Variants in URB1 observed in about 807,000 individuals in gnomAD.
The protein encoded by URB1 is nucleolar pre-ribosomal-associated protein 1.
In URB1, 197 loss-of-function variants were observed where a neutral mutation model predicts 242.3. The ratio of observed to expected loss-of-function variants is 0.81; its 90% confidence interval spans 0.72 to 0.91. The LOEUF is 0.91. Among genes scored for constraint, URB1 ranks in the 40% least tolerant of loss-of-function variants. The probability of loss-of-function intolerance (pLI) is 0.00; values close to 1 mark genes in which losing one functional copy is unlikely to be tolerated. For missense variants in URB1, 2,721 were observed against 2,860.5 expected (o/e 0.95, Z 1.11); for synonymous variants, 1,153 against 1,201.8 (o/e 0.96, Z 0.84).
chr21:32,334,316 T>C lies in URB1; in HGVS notation c.4704A>G (p.Pro1568=). The change falls in exon 29 of 39, where the codon CCA becomes CCG. Residue 1568 remains proline (P), a synonymous_variant. Transcript: ENST00000382751. The part of the protein sequence containing the change: ...LINFRVLLWG[P]AAVEHHKTCR... ...ACGTCTTGTGATGCTCCACGGCCGC[T>C]GGGCCCCACAGCAGCACCCTAGAGC... 6.5e-7 allele frequency: 1 copy of C among 1,550,012 alleles called. No homozygotes were observed. The highest frequency in any genetic ancestry group is 1.2e-5 in the South Asian group (1 of 83,922).
chr21:32,352,858 T>G lies in URB1; in HGVS notation c.2465A>C (p.His822Pro). The G allele has an allele frequency of 6.4e-7, 1 of 1,551,554 alleles. No individual in the cohort carries two copies. ...CAGAGCCAGGGGGTCCCTCTGGGTGTGGAGGAGGTCAGTCAGCACTGCCGT... is the reference window on the plus strand; with the variant it reads ...CAGAGCCAGGGGGTCCCTCTGGGTGGGGAGGAGGTCAGTCAGCACTGCCGT... ...YLTAVLTDLLHTQRDPLALCL... is the reference protein window; with the variant it reads ...YLTAVLTDLLPTQRDPLALCL... Residue 822 changes from histidine (H) to proline (P), a missense_variant, in exon 19 of 39, where the codon CAC becomes CCC. Transcript: ENST00000382751.
chr21:32,375,404 T>C lies in URB1; in HGVS notation c.744A>G (p.Lys248=). The change falls in exon 6 of 39, where the codon AAA becomes AAG. Residue 248 remains lysine, a synonymous_variant. Transcript: ENST00000382751. ...STINILLSTL[K]TKVVHNKNIT... is the part of the protein sequence containing the mutation. Reference sequence around the variant, plus strand: ...CGGATCACCAAGCACATACCTTTGTTTTCAGTGTGGATAATAAAATATTGA... The same window carrying C: ...CGGATCACCAAGCACATACCTTTGTCTTCAGTGTGGATAATAAAATATTGA... The C allele has an allele frequency of 6.6e-7, 1 of 1,526,276 alleles. No homozygotes were observed. The highest frequency in any genetic ancestry group is 8.8e-7 in the Non-Finnish European group (1 of 1,133,860). The allele number at this position is 1,526,276 out of a possible 1,614,324, so 94.5% of individuals were successfully genotyped here.
chr21:32,343,684 G>C (rs2033054859), intron 24 of URB1, among the ~76,000 whole-genome samples: 1 of 152,130 alleles, frequency 6.6e-6, no homozygotes, highest in South Asian at 2.1e-4. Flanking sequence ...TAAGGAGGGA[G>C]GCAACCCTCT....
chr21:32,352,569 C>G, intron 19 of URB1, 141 bp downstream of exon 19: 2 of 933,838 alleles, frequency 2.1e-6, no homozygotes, highest in Non-Finnish European at 1.6e-6. Context: ...AGCTTCCTCT[C>G]TTATGCAGGG....
intron 13 of URB1, 93 bp downstream of exon 13, chr21:32,360,914 G>A (rs1255299162): frequency 7.1e-6 from 6 of 839,882 alleles, no homozygotes; most frequent in South Asian, 5.7e-5. Flanking sequence ...GCAGCCAACC[G>A]TCCACCAGCC....
intron 4 of URB1, among the ~76,000 whole-genome samples, chr21:32,381,760 T>A (rs1044243737): frequency 2.0e-5 from 3 of 152,198 alleles, no homozygotes; most frequent in African/African-American, 7.2e-5. Context: ...ATATTTATAG[T>A]GAAATATGAT....
At chr21:32,335,056 CT>C (rs1281733898) in intron 28 of URB1, 1 of 152,956 alleles carries the variant, frequency 6.5e-6, no homozygotes, top group African/African-American at 2.4e-5. Context: ...CAGAGCCCAG[CT>C]GTGACGAGGA....
chr21:32,362,498 G>A (rs764750644), intron 11 of URB1, among the ~76,000 whole-genome samples: 3 of 152,222 alleles, frequency 2.0e-5, no homozygotes, highest in East Asian at 1.9e-4. Flanking sequence ...GTGAGCCACC[G>A]CGCCCAACCA....
At chr21:32,391,794 C>T (rs1355708658) in intron 1 of URB1, among the ~76,000 whole-genome samples, 4 of 150,758 alleles carry the variant, frequency 2.7e-5, no homozygotes, top group African/African-American at 9.8e-5. Flanking sequence ...GGGAAGATTG[C>T]TTGAGACTGG....
intron 21 of URB1, among the ~76,000 whole-genome samples, chr21:32,348,512 G>C (rs933279161): frequency 5.3e-5 from 8 of 152,274 alleles, no homozygotes; most frequent in Admixed American, 3.3e-4. Flanking sequence ...TGCTGGATTA[G>C]AGAATAATTT....
chr21:32,337,482 C>T lies in URB1; in HGVS notation c.4543G>A (p.Glu1515Lys). ...CTCTCACAGACAGAGGGGCACATCT[C>T]CACCACCGTCAGCATCAGGTCCACC... ...ALVDLMLTVVEMCPSVCESSH... is the reference protein window; with the variant it reads ...ALVDLMLTVVKMCPSVCESSH... Residue 1515 changes from glutamate to lysine, a missense_variant, in exon 27 of 39, where the codon GAG becomes AAG. By Grantham distance (56) the Glu-to-Lys change is moderately conservative. Transcript: ENST00000382751. 1.3e-6 allele frequency: 2 copies of T among 1,551,432 alleles called. No homozygotes were observed. The highest frequency in any genetic ancestry group is 1.7e-6 in the Non-Finnish European group (2 of 1,146,856).
intron 16 of URB1, 92 bp downstream of exon 16, chr21:32,355,357 G>A: frequency 9.0e-7 from 1 of 1,116,682 alleles, no homozygotes; most frequent in Non-Finnish European, 1.3e-6. Context: ...GAAGCCTTTT[G>A]GTGCTGGTGC....
Position 32,350,706 on chromosome 21 carries a change from G to C in URB1, c.2830C>G (p.Gln944Glu). The stretch of plus-strand genomic sequence containing the variant: ...TGGAGGATGGGGGCAACGCTGACCT[G>C]GCCGAAGTTCTCCACAGTGCTCCGC... The part of the protein sequence containing the change: ...YLRSTVENFG[Q>E]LGRSVGPPLL... Residue 944 changes from glutamine (Q) to glutamate (E), a missense_variant and splice_region_variant, in exon 20 of 39, where the codon CAG (glutamine) becomes GAG (glutamate). Coordinates refer to ENST00000382751, the MANE Select transcript of URB1 (RefSeq NM_014825.3). 1.3e-6 allele frequency: 2 copies of C among 1,550,994 alleles called. No homozygotes were observed. The highest frequency in any genetic ancestry group is 1.7e-6 in the Non-Finnish European group (2 of 1,146,628).
In URB1 at chr21:32,360,991, A is replaced by T. The variant is rs1341485159; in HGVS notation, c.1756+16T>A. 1.3e-6 allele frequency: 2 copies of T among 1,527,630 alleles called. No homozygotes were observed. The highest frequency in any genetic ancestry group is 1.8e-6 in the Non-Finnish European group (2 of 1,133,232). The allele number at this position is 1,527,630 out of a possible 1,614,324, so 94.6% of individuals were successfully genotyped here. On this transcript the variant is annotated intron_variant, in intron 13 of 38. Transcript: ENST00000382751. ...CAGCAACAGTGGCGGCTTGTCTGCA[A>T]GACCTTGAAACCCACCTTTCAGGAG...
intron 24 of URB1, 93 bp from the exon 25 acceptor site, chr21:32,341,617 G>A (rs1338107748): frequency 2.6e-6 from 3 of 1,132,400 alleles, no homozygotes; most frequent in Admixed American, 2.2e-5. Context: ...AAAGGCATCT[G>A]CCTCCATGGC....
chr21:32,319,010 A>G (rs2032728013), intron 36 of URB1, among the ~76,000 whole-genome samples: 1 of 152,236 alleles, frequency 6.6e-6, no homozygotes, highest in African/African-American at 2.4e-5. Flanking sequence ...GAAGCTTTAT[A>G]AAATTGAAGG....
rs368852984 is a variant in URB1 at position 32,334,218 on chromosome 21, C to T, written c.4802G>A (p.Arg1601Gln). 1.7e-4 allele frequency: 258 copies of T among 1,551,512 alleles called. No homozygotes were observed. Among genetic ancestry groups the T allele is most frequent in the Middle Eastern group, 1.5e-3 (9 of 5,988 alleles). Reference protein sequence around the residue: ...GDILRLLDRDRMMQTILHFPQ... With the variant: ...GDILRLLDRDQMMQTILHFPQ... ...GAAGTGCAGGATGGTCTGCATCATC[C>T]GGTCCCGGTCCAGCAGGCGAAGGAT... The change falls in exon 29 of 39, where the codon CGG becomes CAG. Residue 1601 changes from arginine to glutamine, a missense_variant. Arg to Gln is a conservative substitution (Grantham distance 43). Transcript: ENST00000382751.
chr21:32,332,442 G>C (rs1601126747), intron 30 of URB1, among the ~76,000 whole-genome samples: 1 of 75,300 alleles, frequency 1.3e-5, no homozygotes, highest in African/African-American at 5.3e-5. Flanking sequence ...AATATATAAA[G>C]AACACTCAAA....
In URB1 at chr21:32,312,337, T is replaced by A; in HGVS notation, c.*2581A>T. The A allele has an allele frequency of 8.1e-7, 1 of 1,230,266 alleles. No individual in the cohort carries two copies. The highest frequency in any genetic ancestry group is 1.0e-6 in the Non-Finnish European group (1 of 970,406). 76.2% of individuals were successfully genotyped at this position (1,230,266 alleles called of 1,614,324 possible). Reference sequence around the variant, plus strand: ...ACTATGCCACTTTACCATTACTGTGTAATGCGTTATCAGCCCTGAGTTCAC... The same window carrying A: ...ACTATGCCACTTTACCATTACTGTGAAATGCGTTATCAGCCCTGAGTTCAC... On this transcript the variant is annotated 3_prime_UTR_variant, in exon 39 of 39. Transcript: ENST00000382751.
Sources: gnomAD v4.1 joint callset for allele counts (sites outside exome capture counted in the v4.1 genomes callset) on GRCh38, gnomAD v4.1.1 for gene constraint, MANE v1.5 for transcripts, NCBI Gene and HGNC (gene_info 2026-07-23, HGNC 2026-07-21) for gene names.